MTMR3: variants seen among roughly 807,000 people sequenced by gnomAD.
MTMR3 encodes myotubularin related protein 3, also known as phosphatidylinositol-3,5-bisphosphate 3-phosphatase MTMR3.
In MTMR3, 32 loss-of-function variants were observed where a neutral mutation model predicts 132.4. The observed-to-expected ratio is 0.24, with a 90% CI of 0.18 to 0.32. The LOEUF is 0.32. Among genes scored for constraint, MTMR3 ranks in the 10% least tolerant of loss-of-function variants. The pLI, the probability that MTMR3 is intolerant of heterozygous loss-of-function variation, is 1.00. For synonymous variants in MTMR3, 556 were observed against 550.3 expected (o/e 1.01, Z -0.14); for missense variants, 1,216 against 1,489.6 (o/e 0.82, Z 3.02).
chr22:29,959,030 G>A (rs144397699), intron 2 of MTMR3, among the ~76,000 whole-genome samples: 2 of 152,286 alleles, frequency 1.3e-5, no homozygotes, highest in African/African-American at 4.8e-5. Context: ...AAGTTGCTCC[G>A]TGTATTACTT....
chr22:29,997,007 G>C (rs1158474091), intron 7 of MTMR3: 1 of 152,282 alleles, frequency 6.6e-6, no homozygotes, highest in Admixed American at 6.5e-5. Flanking sequence ...AAAGTGCTGG[G>C]ATTACAGGTG....
At chr22:29,916,699 G>T (rs899719672) in intron 1 of MTMR3, among the ~76,000 whole-genome samples, 1 of 152,164 alleles carries the variant, frequency 6.6e-6, no homozygotes, top group Admixed American at 6.5e-5. Flanking sequence ...TACAAGGTTT[G>T]CATGATAAAG....
chr22:30,023,467 C>A, intron 19 of MTMR3: 1 of 1,614,180 alleles, frequency 6.2e-7, no homozygotes, highest in Non-Finnish European at 8.5e-7. Flanking sequence ...GGACACTGAC[C>A]GTGTTGATCA....
intron 9 of MTMR3, chr22:30,004,725 C>G (rs1481576414): frequency 6.6e-6 from 1 of 152,210 alleles, no homozygotes; most frequent in Non-Finnish European, 1.5e-5. Context: ...GAGATGCAGA[C>G]TGGGTTGCTG....
chr22:29,895,330 A>G (rs984730093), intron 1 of MTMR3, among the ~76,000 whole-genome samples: 1 of 152,224 alleles, frequency 6.6e-6, no homozygotes, highest in Non-Finnish European at 1.5e-5. Context: ...ACAGATCTTC[A>G]TTTATCAAAA....
intron 1 of MTMR3, among the ~76,000 whole-genome samples, chr22:29,927,940 T>TTTTG (rs71686988): frequency 0.12 from 6,623 of 56,184 alleles, 291 homozygotes; most frequent in Non-Finnish European, 0.18. Context: ...CTAGCCTTTG[T>TTTTG]TTTTTTTTTT....
chr22:29,995,691 T>G (rs192577123), intron 7 of MTMR3: 3 of 152,150 alleles, frequency 2.0e-5, no homozygotes, highest in Non-Finnish European at 2.9e-5. Context: ...TTAAAGAAAG[T>G]TGGGATATCA....
intron 1 of MTMR3, among the ~76,000 whole-genome samples, chr22:29,946,491 G>C (rs374525424): frequency 6.6e-6 from 1 of 152,296 alleles, no homozygotes; most frequent in East Asian, 1.9e-4. Flanking sequence ...ATGTGCACCA[G>C]GTCAGGCCTG....
chr22:29,979,274 C>T (rs1016253805), intron 5 of MTMR3: 7 of 358,270 alleles, frequency 2.0e-5, no homozygotes, highest in African/African-American at 2.1e-5. Context: ...AGGCAGATCA[C>T]GAGGTCAGGA....
rs1382264495 is a variant in MTMR3 at position 30,003,700 on chromosome 22, GA to G, written c.671+708del. ...TTGTAGATATGTTCTGATTCTAAAT[GA>G]GGGGCTATAAACACTGAGCTTCTGT... On this transcript the variant is annotated intron_variant, in intron 9 of 19. Coordinates refer to ENST00000401950, the MANE Select transcript of MTMR3 (RefSeq NM_021090.4). The G allele has an allele frequency of 2.6e-5, 4 of 152,322 alleles. No homozygotes were observed. The East Asian group carries it at 7.7e-4, about 29-fold the overall frequency. The allele number at this position is 152,322 out of a possible 1,614,324, so 9.4% of individuals were successfully genotyped here.
Position 29,916,787 on chromosome 22 carries a change from G to A in MTMR3, c.-138+33428G>A, listed in dbSNP as rs1226335035. On this transcript the variant is annotated intron_variant, in intron 1 of 19. Transcript: ENST00000401950. ...TTGCACCATTTGTCCTGGCTTAGCTGATATTCATGTTCTAATTGTTCATTA... is the reference window on the plus strand; with the variant it reads ...TTGCACCATTTGTCCTGGCTTAGCTAATATTCATGTTCTAATTGTTCATTA... Among the ~76,000 whole-genome samples, 11 of 152,304 alleles carry A rather than the reference G, an allele frequency of 7.2e-5. 1 individual carries two copies. The highest frequency in any genetic ancestry group is 6.8e-3 in the Middle Eastern group (2 of 294).
At chr22:29,886,769 A>G (rs1210325911) in intron 1 of MTMR3, among the ~76,000 whole-genome samples, 1 of 152,204 alleles carries the variant, frequency 6.6e-6, no homozygotes, top group Non-Finnish European at 1.5e-5. Flanking sequence ...GTTATGTAGA[A>G]AGAACATGCT....
At chr22:29,892,400 T>C (rs1355499369) in intron 1 of MTMR3, among the ~76,000 whole-genome samples, 1 of 152,170 alleles carries the variant, frequency 6.6e-6, no homozygotes, top group East Asian at 1.9e-4. Flanking sequence ...TATCTCCCTG[T>C]TTTTTAAGAG....
chr22:30,025,791 C>T lies in MTMR3; in HGVS notation c.3587C>T (p.Thr1196Ile). Reference protein sequence around the residue: ...DLELDKPIAATSN With the variant: ...DLELDKPIAAISN The stretch of plus-strand genomic sequence containing the variant: ...GAACTGGATAAGCCCATTGCTGCCA[C>T]TTCCAACTGAAGCTCAGTGACCTGG... The change falls in exon 20 of 20, where the codon ACT becomes ATT. Residue 1196 changes from threonine to isoleucine, a missense_variant. Physicochemically the swap from Thr to Ile is moderately conservative, Grantham distance 89. Coordinates refer to ENST00000401950, the MANE Select transcript of MTMR3 (RefSeq NM_021090.4). 1.2e-6 allele frequency: 2 copies of T among 1,614,064 alleles called. No individual in the cohort carries two copies. Among genetic ancestry groups the T allele is most frequent in the Non-Finnish European group, 1.7e-6 (2 of 1,180,018 alleles).
At chr22:29,949,315 C>A (rs1281269746) in intron 1 of MTMR3, among the ~76,000 whole-genome samples, 3 of 151,902 alleles carry the variant, frequency 2.0e-5, no homozygotes, top group Non-Finnish European at 4.4e-5. Context: ...TGGTGAAACA[C>A]CCCATCTGTA....
chr22:29,983,273 T>G (rs750468609), intron 5 of MTMR3: 1 of 152,242 alleles, frequency 6.6e-6, no homozygotes, highest in Non-Finnish European at 1.5e-5. Flanking sequence ...TAGAACAAGT[T>G]TCTGTTAGAA....
At chr22:29,894,506 G>GTGTGTGTT (rs2064857399) in intron 1 of MTMR3, among the ~76,000 whole-genome samples, 1 of 24,180 alleles carries the variant, frequency 4.1e-5, no homozygotes, top group South Asian at 6.6e-4. Context: ...CTGTATCCGT[G>GTGTGTGTT]TGTGTGTGTG....
intron 7 of MTMR3, chr22:29,996,873 A>G (rs2067072304): frequency 6.6e-6 from 1 of 152,070 alleles, no homozygotes; most frequent in Non-Finnish European, 1.5e-5. Context: ...GACTATAGGC[A>G]TGGACCACCA....
chr22:29,974,433 C>T lies in MTMR3; in HGVS notation c.3+3371C>T, dbSNP rs778880730. Among the ~76,000 whole-genome samples the T allele has an allele frequency of 2.2e-4, 34 of 152,300 alleles. 1 individual carries two copies. The highest frequency in any genetic ancestry group is 4.4e-4 in the Non-Finnish European group (30 of 68,030). On this transcript the variant is annotated intron_variant, in intron 3 of 19. Transcript: ENST00000401950. ...TTTTGTGTACAAGGGGAGAAAAGTTCTGAAGCTTTACAGGTAATGTGAATT... is the reference window on the plus strand; with the variant it reads ...TTTTGTGTACAAGGGGAGAAAAGTTTTGAAGCTTTACAGGTAATGTGAATT...
Sources: gnomAD v4.1 joint callset for allele counts (sites outside exome capture counted in the v4.1 genomes callset) on GRCh38, gnomAD v4.1.1 for gene constraint, MANE v1.5 for transcripts, NCBI Gene and HGNC (gene_info 2026-07-23, HGNC 2026-07-21) for gene names.